Variants in ABCA10 observed in about 807,000 individuals in gnomAD.
ABCA10 encodes ATP binding cassette subfamily A member 10, also known as ATP-binding cassette sub-family A member 10.
Under a neutral mutation model 187.5 loss-of-function variants are expected in ABCA10, and 169 were observed. The observed-to-expected ratio is 0.90, with a 90% CI of 0.80 to 1.02. The LOEUF (loss-of-function observed/expected upper bound fraction) is 1.02. Among genes scored for constraint, ABCA10 ranks in the 50% least tolerant of loss-of-function variants. ABCA10 has a pLI of 0.00. For missense variants in ABCA10, 1,727 were observed against 1,812.4 expected (o/e 0.95, Z 0.86); for synonymous variants, 574 against 601.8 (o/e 0.95, Z 0.68).
intron 10 of ABCA10, among the ~76,000 whole-genome samples, chr17:69,200,989 AG>A (rs1182782988): frequency 6.6e-6 from 1 of 152,230 alleles, no homozygotes; most frequent in African/African-American, 2.4e-5. Context: ...CTGGGATTAC[AG>A]GTGTGAGCCC....
chr17:69,174,424 T>C (rs748091097), intron 24 of ABCA10, 30 bp from the exon 25 acceptor site: 5 of 1,538,096 alleles, frequency 3.3e-6, no homozygotes, highest in South Asian at 1.2e-5. Flanking sequence ...ATGGCAAGAT[T>C]AGAAATGGCA....
At chr17:69,241,584 C>T (rs2074903653) in intron 1 of ABCA10, among the ~76,000 whole-genome samples, 1 of 152,192 alleles carries the variant, frequency 6.6e-6, no homozygotes, top group African/African-American at 2.4e-5. Flanking sequence ...GGTTCTGTTT[C>T]TCAAATATGC....
rs554800561 is a variant in ABCA10, at chr17:69,237,031, G to A, written c.-593+7498C>T. Among the ~76,000 whole-genome samples, 5 of 152,238 alleles carry A rather than the reference G, an allele frequency of 3.3e-5. No individual in the cohort carries two copies. In the South Asian group the frequency reaches 1.0e-3, roughly 32 times the overall value. ...GAAATGGCAAAAGTTATTATTTTCT[G>A]GTCAAATATTAATGGCATGGGATTT... is the stretch of plus-strand genomic sequence containing the variant. On this transcript the variant is annotated intron_variant, in intron 1 of 39. Transcript: ENST00000269081.
At chr17:69,199,229 C>G (rs1317207733) in intron 10 of ABCA10, among the ~76,000 whole-genome samples, 2 of 150,116 alleles carry the variant, frequency 1.3e-5, no homozygotes, top group East Asian at 1.9e-4. Context: ...GATGATCCTT[C>G]TTTATTTCTT....
rs139665754 is a variant in ABCA10 at position 69,156,473 on chromosome 17, C to T, written c.3455+359G>A. 9.2e-5 allele frequency among the ~76,000 whole-genome samples: 14 copies of T among 152,178 alleles called. No individual in the cohort carries two copies. In the East Asian group the frequency reaches 2.7e-3, roughly 29 times the overall value. On this transcript the variant is annotated intron_variant, in intron 28 of 38. Transcript: ENST00000690296. ...TTCTTTTTCTGAAAATAGCACTGTG[C>T]AATATGCTTAGCCAAGTGTTGGGTA...
intron 9 of ABCA10, among the ~76,000 whole-genome samples, chr17:69,210,845 C>T (rs1436101895): frequency 2.3e-4 from 3 of 13,244 alleles, no homozygotes; most frequent in African/African-American, 8.4e-4. Context: ...ATATTTATGC[C>T]ACATATATAT....
intron 9 of ABCA10, among the ~76,000 whole-genome samples, chr17:69,209,900 G>C (rs2074625228): frequency 6.6e-6 from 1 of 152,072 alleles, no homozygotes; most frequent in South Asian, 2.1e-4. Context: ...ACATAGAAAA[G>C]GTACAGTAAA....
At chr17:69,151,872 G>A (rs1406895662) in intron 36 of ABCA10, among the ~76,000 whole-genome samples, 171 bp downstream of exon 36, 2 of 152,134 alleles carry the variant, frequency 1.3e-5, no homozygotes, top group Admixed American at 1.3e-4. Context: ...AACACTCACT[G>A]AAAATAACTG....
intron 10 of ABCA10, among the ~76,000 whole-genome samples, chr17:69,200,529 T>C (rs2074535889): frequency 6.6e-6 from 1 of 152,230 alleles, no homozygotes; most frequent in Admixed American, 6.5e-5. Context: ...CACTAAATTA[T>C]AGAGGAATGT....
At chr17:69,170,455 AAAG>A (rs1568054450) in intron 25 of ABCA10, among the ~76,000 whole-genome samples, 1 of 151,496 alleles carries the variant, frequency 6.6e-6, no homozygotes, top group Non-Finnish European at 1.5e-5. Context: ...AAAAAAAAAA[AAAG>A]AAGTCTTCCA....
intron 22 of ABCA10, 86 bp downstream of exon 22, chr17:69,182,067 T>A: frequency 7.8e-7 from 1 of 1,287,068 alleles, no homozygotes; most frequent in Non-Finnish European, 1.0e-6. Flanking sequence ...AGAAACAAGA[T>A]TTGAACTCAC....
chr17:69,203,140 C>G (rs984489968), intron 9 of ABCA10, among the ~76,000 whole-genome samples: 2 of 151,842 alleles, frequency 1.3e-5, no homozygotes, highest in African/African-American at 4.8e-5. Flanking sequence ...AATTCTTTGA[C>G]AAGAGAAATG....
chr17:69,200,002 T>C (rs60066663), intron 10 of ABCA10, among the ~76,000 whole-genome samples: 19,156 of 152,216 alleles, frequency 0.13, 1,726 homozygotes, highest in East Asian at 0.46. Flanking sequence ...CTCCAGGGAA[T>C]AGAGAACTTT....
chr17:69,197,015 G>C, intron 11 of ABCA10, 49 bp downstream of exon 11: 3 of 1,329,710 alleles, frequency 2.3e-6, no homozygotes, highest in Non-Finnish European at 3.1e-6. Context: ...ACAGAGGGAG[G>C]GGGAGGGGGA....
intron 22 of ABCA10, among the ~76,000 whole-genome samples, chr17:69,177,549 A>C (rs1003218868): frequency 6.6e-6 from 1 of 152,196 alleles, no homozygotes; most frequent in Non-Finnish European, 1.5e-5. Context: ...TTGGGATTCC[A>C]ATGCCATATT....
intron 22 of ABCA10, chr17:69,178,783 C>T (rs2074355539): frequency 6.6e-6 from 1 of 152,190 alleles, no homozygotes; most frequent in Middle Eastern, 3.4e-3. Flanking sequence ...TTATTGTTTT[C>T]TTTAAAAAGA....
At chr17:69,242,816 TATC>T (rs776126274) in intron 1 of ABCA10, among the ~76,000 whole-genome samples, 1 of 152,214 alleles carries the variant, frequency 6.6e-6, no homozygotes, top group East Asian at 1.9e-4. Context: ...AAAGTCCTAT[TATC>T]ATGAATTTGG....
At chr17:69,222,467 G>T in intron 4 of ABCA10, 66 bp downstream of exon 4, 1 of 1,268,400 alleles carries the variant, frequency 7.9e-7, no homozygotes, top group Non-Finnish European at 1.1e-6. Flanking sequence ...ATTCCTATCA[G>T]TCATTCCAAA....
intron 1 of ABCA10, among the ~76,000 whole-genome samples, chr17:69,236,214 G>A (rs1338118367): frequency 1.3e-5 from 2 of 152,172 alleles, no homozygotes; most frequent in African/African-American, 4.8e-5. Context: ...TTTATAAACA[G>A]TTTATTTTTA....
Sources: gnomAD v4.1 joint callset for allele counts (sites outside exome capture counted in the v4.1 genomes callset) on GRCh38, gnomAD v4.1.1 for gene constraint, MANE v1.5 for transcripts, NCBI Gene and HGNC (gene_info 2026-07-23, HGNC 2026-07-21) for gene names.